MAGI2: variants seen among roughly 807,000 people sequenced by gnomAD.
MAGI2 encodes membrane-associated guanylate kinase, WW and PDZ domain-containing protein 2.
Under a neutral mutation model 133.3 loss-of-function variants are expected in MAGI2, and 35 were observed. The observed-to-expected ratio is 0.26, with a 90% CI of 0.20 to 0.35. The LOEUF is 0.35. Ranked by LOEUF, MAGI2 falls within the 10% of genes least tolerant of loss-of-function variation. MAGI2 has a pLI of 1.00. For synonymous variants in MAGI2, 729 were observed against 710.6 expected, an observed-to-expected ratio of 1.03 and a Z score of -0.41; for missense variants, 1,636 against 1,863.4, an observed-to-expected ratio of 0.88 and a Z score of 2.25.
chr7:79,031,949 A>G (rs1338228738), intron 1 of MAGI2, among the ~76,000 whole-genome samples: 1 of 152,142 alleles, frequency 6.6e-6, no homozygotes, highest in Non-Finnish European at 1.5e-5. Flanking sequence ...TATTCACATC[A>G]GGTATGAAAC....
At chr7:78,937,247 T>A (rs117110366) in intron 2 of MAGI2, among the ~76,000 whole-genome samples, 2,472 of 152,104 alleles carry the variant, frequency 0.016, 26 homozygotes, top group Non-Finnish European at 0.024. Context: ...ATGATAGTAA[T>A]GAGTTATAAA....
rs1185333864 is a variant in MAGI2, at chr7:78,584,271, G to A, written c.538+42849C>T. Among the ~76,000 whole-genome samples, 4 of 151,574 alleles carry A rather than the reference G, an allele frequency of 2.6e-5. No individual in the cohort carries two copies. The East Asian group carries it at 7.8e-4, about 29-fold the overall frequency. On this transcript the variant is annotated intron_variant, in intron 3 of 21. Transcript: ENST00000354212. ...CCTGTCTCTACTAAAAATACAAAAA[G>A]TAGTCGGGCATGGTGGCAGTCGCCT...
At chr7:79,164,082 C>T (rs1170167715) in intron 1 of MAGI2, among the ~76,000 whole-genome samples, 1 of 152,038 alleles carries the variant, frequency 6.6e-6, no homozygotes, top group African/African-American at 2.4e-5. Flanking sequence ...ATGAGCCTTC[C>T]TAGCACCCTG....
Position 78,127,245 on chromosome 7 carries a change from G to A in MAGI2, c.3375C>T (p.His1125=). The change falls in exon 19 of 22, where the codon CAC becomes CAT. Residue 1125 remains histidine, a synonymous_variant. Transcript: ENST00000354212. ...GAGGGTACTGCCTGGTGTCGGGGGA[G>A]TGCTGCCTGTAGTCCAGTAGGGGAG... The part of the protein sequence containing the change: ...RQPPLLDYRQ[H]SPDTRQYPLS... 1.2e-6 allele frequency: 2 copies of A among 1,607,632 alleles called. No individual in the cohort carries two copies. The highest frequency in any genetic ancestry group is 1.7e-6 in the Non-Finnish European group (2 of 1,177,070).
rs1186600439 is a variant in MAGI2 at position 78,920,278 on chromosome 7, G to C, written c.418+86812C>G. 2.0e-5 allele frequency among the ~76,000 whole-genome samples: 3 copies of C among 152,080 alleles called. No homozygotes were observed. The East Asian group carries it at 5.8e-4, about 29-fold the overall frequency. ...TATTTAGCCCCTCTGTACACCAGCT[G>C]TAAAATGAGAAAAATAATAACAGAG... On this transcript the variant is annotated intron_variant, in intron 2 of 21. Transcript: ENST00000354212.
chr7:79,444,137 T>TG (rs1371260606), intron 1 of MAGI2, among the ~76,000 whole-genome samples: 3 of 152,140 alleles, frequency 2.0e-5, no homozygotes, highest in African/African-American at 7.2e-5. Flanking sequence ...AAACTCTCAA[T>TG]AAATTAGGTA....
At chr7:79,412,527 G>T (rs1011026406) in intron 1 of MAGI2, 5 of 152,152 alleles carry the variant, frequency 3.3e-5, no homozygotes, top group African/African-American at 1.2e-4. Context: ...GCAGAGACAA[G>T]AGCTCATTTT....
chr7:79,415,426 T>G (rs1846430595), intron 1 of MAGI2: 1 of 152,346 alleles, frequency 6.6e-6, no homozygotes, highest in Non-Finnish European at 1.5e-5. Flanking sequence ...CAAGCAGGTA[T>G]GCGTTTTCTC....
chr7:79,366,396 G>A (rs1842714048), intron 1 of MAGI2, among the ~76,000 whole-genome samples: 2 of 152,126 alleles, frequency 1.3e-5, no homozygotes, highest in African/African-American at 2.4e-5. Context: ...AAGACAAAGG[G>A]AAAGAGGGCA....
intron 6 of MAGI2, among the ~76,000 whole-genome samples, chr7:78,421,243 TA>T (rs1798769752): frequency 1.3e-5 from 2 of 151,890 alleles, no homozygotes; most frequent in East Asian, 1.9e-4. Flanking sequence ...ATGAAAAGAA[TA>T]AAAAAACAGG....
intron 2 of MAGI2, among the ~76,000 whole-genome samples, chr7:78,979,680 G>C (rs968159522): frequency 3.4e-4 from 51 of 151,930 alleles, no homozygotes; most frequent in Non-Finnish European, 1.8e-4. Flanking sequence ...ATGGTGTGCA[G>C]TGTCCTTTGG....
At chr7:79,101,509 G>A (rs1473889607) in intron 1 of MAGI2, among the ~76,000 whole-genome samples, 1 of 152,080 alleles carries the variant, frequency 6.6e-6, no homozygotes, top group African/African-American at 2.4e-5. Context: ...CGGATCACGA[G>A]GTCAGGAGAT....
intron 2 of MAGI2, among the ~76,000 whole-genome samples, chr7:78,899,762 T>TA (rs1797471437): frequency 6.6e-6 from 1 of 152,190 alleles, no homozygotes; most frequent in South Asian, 2.1e-4. Flanking sequence ...TTCTGTCATA[T>TA]AGTCTGTGTT....
chr7:78,030,326 C>A (rs1809431918), intron 21 of MAGI2, among the ~76,000 whole-genome samples: 1 of 152,260 alleles, frequency 6.6e-6, no homozygotes, highest in South Asian at 2.1e-4. Context: ...TGCAATGGTG[C>A]GATCTCAGCT....
chr7:78,832,681 G>A (rs1791292955), intron 2 of MAGI2, among the ~76,000 whole-genome samples: 1 of 152,160 alleles, frequency 6.6e-6, no homozygotes, highest in South Asian at 2.1e-4. Context: ...GGAGACCCCT[G>A]AAACTATTGC....
At chr7:78,607,153 A>G (rs114016324) in intron 3 of MAGI2, among the ~76,000 whole-genome samples, 34 of 152,106 alleles carry the variant, frequency 2.2e-4, no homozygotes, top group African/African-American at 7.7e-4. Context: ...CCTTTTCCCT[A>G]TGTTTGAGGA....
intron 1 of MAGI2, among the ~76,000 whole-genome samples, chr7:79,313,645 A>T (rs915748653): frequency 2.0e-5 from 3 of 152,108 alleles, no homozygotes; most frequent in African/African-American, 7.2e-5. Context: ...AGCCAATTCT[A>T]TTTGTTCGTT....
intron 6 of MAGI2, among the ~76,000 whole-genome samples, chr7:78,459,428 T>G (rs950486408): frequency 2.6e-5 from 4 of 152,166 alleles, no homozygotes; most frequent in Non-Finnish European, 5.9e-5. Context: ...AAAAATGGAG[T>G]CTTTAAATTA....
intron 3 of MAGI2, among the ~76,000 whole-genome samples, chr7:78,587,938 G>A (rs1212332491): frequency 6.6e-6 from 1 of 152,238 alleles, no homozygotes; most frequent in African/African-American, 2.4e-5. Flanking sequence ...CAAGATGGAT[G>A]TCTTGAAGAC....
Sources: gnomAD v4.1 joint callset for allele counts (sites outside exome capture counted in the v4.1 genomes callset) on GRCh38, gnomAD v4.1.1 for gene constraint, MANE v1.5 for transcripts, NCBI Gene and HGNC (gene_info 2026-07-23, HGNC 2026-07-21) for gene names.